The following KIAA1328 variants were observed in gnomAD, a reference collection of about 807,000 sequenced individuals.
KIAA1328 encodes KIAA1328, also known as protein hinderin.
Under a neutral mutation model 68.1 loss-of-function variants are expected in KIAA1328, and 52 were observed. That is an observed-to-expected ratio of 0.76 (90% CI 0.61 to 0.96). The LOEUF is 0.96. KIAA1328 is among the 40% of genes least tolerant of loss of function. KIAA1328 has a pLI of 0.00. For synonymous variants in KIAA1328, 232 were observed against 239.4 expected (o/e 0.97, Z 0.28); for missense variants, 641 against 677.6 (o/e 0.95, Z 0.60).
chr18:37,039,857 T>G (rs2055177637), intron 6 of KIAA1328, among the ~76,000 whole-genome samples: 2 of 152,178 alleles, frequency 1.3e-5, no homozygotes, highest in Non-Finnish European at 2.9e-5. Flanking sequence ...GAAATGTAGG[T>G]GTCTGTTAAA....
At chr18:36,836,564 G>A (rs1010574937) in intron 3 of KIAA1328, among the ~76,000 whole-genome samples, 12 of 151,874 alleles carry the variant, frequency 7.9e-5, no homozygotes, top group African/African-American at 2.9e-4. Context: ...TTTTACTTAT[G>A]TGCACAGACC....
intron 5 of KIAA1328, among the ~76,000 whole-genome samples, chr18:36,949,528 T>A (rs1403663377): frequency 6.7e-6 from 1 of 150,092 alleles, no homozygotes; most frequent in Non-Finnish European, 1.5e-5. Flanking sequence ...CTAAAATCCA[T>A]AGGGTCTAAT....
intron 5 of KIAA1328, among the ~76,000 whole-genome samples, chr18:36,926,622 T>C (rs2050128590): frequency 6.6e-6 from 1 of 152,096 alleles, no homozygotes; most frequent in Non-Finnish European, 1.5e-5. Context: ...CTCTCTGGAG[T>C]AGAAGATAGG....
chr18:37,161,672 T>C (rs1478215357), intron 8 of KIAA1328, among the ~76,000 whole-genome samples: 1 of 152,266 alleles, frequency 6.6e-6, no homozygotes, highest in Admixed American at 6.5e-5. Context: ...TCTTAGTCAT[T>C]GCACTTTGGA....
rs150128999 is a variant in KIAA1328 at position 37,222,770 on chromosome 18, G to A, written c.*543G>A. ...GTGCCCCTGCCATCACAAACAACAC[G>A]AGAGCCAATTGTGAGTCAGTCTCAG... On this transcript the variant is annotated 3_prime_UTR_variant, in exon 10 of 10. Transcript: ENST00000280020. 28 of 996,178 alleles carry A rather than the reference G, an allele frequency of 2.8e-5. No individual in the cohort carries two copies. In the Admixed American group the frequency reaches 5.6e-4, roughly 20 times the overall value. 61.7% of individuals were successfully genotyped at this position (996,178 alleles called of 1,614,324 possible). A position where few individuals can be genotyped will look rare whatever the true frequency, so the allele number is the denominator to read the frequency against.
chr18:36,888,720 G>A (rs2048582066), intron 5 of KIAA1328, among the ~76,000 whole-genome samples: 1 of 151,800 alleles, frequency 6.6e-6, no homozygotes, highest in Non-Finnish European at 1.5e-5. Context: ...CCTGTCAAAG[G>A]TTAATATAGA....
At chr18:37,135,959 C>T (rs1010959672) in intron 7 of KIAA1328, among the ~76,000 whole-genome samples, 1 of 152,156 alleles carries the variant, frequency 6.6e-6, no homozygotes, top group Admixed American at 6.5e-5. Context: ...GATCAGATGA[C>T]AGTAGGTGTG....
intron 1 of KIAA1328, among the ~76,000 whole-genome samples, chr18:36,831,678 A>G (rs1195436347): frequency 6.6e-6 from 1 of 152,212 alleles, no homozygotes; most frequent in Non-Finnish European, 1.5e-5. Flanking sequence ...GGAAACAAAG[A>G]CTGTATGTTG....
chr18:37,067,918 T>C (rs2056403199), intron 7 of KIAA1328, among the ~76,000 whole-genome samples: 1 of 152,170 alleles, frequency 6.6e-6, no homozygotes, highest in Admixed American at 6.5e-5. Context: ...AAAATTGTTG[T>C]AATACTATAG....
At chr18:36,951,099 T>A (rs2051142411) in intron 5 of KIAA1328, among the ~76,000 whole-genome samples, 1 of 152,204 alleles carries the variant, frequency 6.6e-6, no homozygotes, top group Non-Finnish European at 1.5e-5. Context: ...CTTTACTTGT[T>A]GTTACATTGG....
chr18:37,229,496 A>G (rs1192973716), downstream of KIAA1328: 4 of 1,182,228 alleles, frequency 3.4e-6, no homozygotes, highest in Non-Finnish European at 4.4e-6. Flanking sequence ...ACTAGTCAGA[A>G]ATAGAATTCA....
At chr18:36,876,094 C>A (rs968492318) in intron 4 of KIAA1328, among the ~76,000 whole-genome samples, 1 of 151,908 alleles carries the variant, frequency 6.6e-6, no homozygotes, top group Non-Finnish European at 1.5e-5. Context: ...ATTTTCCCAT[C>A]GATGTTCATC....
rs188384901 is a variant in KIAA1328 at position 36,949,608 on chromosome 18, C to A, written c.449-9700C>A. Among the ~76,000 whole-genome samples, 30 of 106,286 alleles carry A rather than the reference C, an allele frequency of 2.8e-4. No individual in the cohort carries two copies. The East Asian group carries it at 6.5e-3, about 23-fold the overall frequency. The allele number at this position is 106,286 out of a possible 152,430, so 69.7% of individuals were successfully genotyped here. On this transcript the variant is annotated intron_variant, in intron 5 of 9. Coordinates refer to ENST00000280020, the MANE Select transcript of KIAA1328 (RefSeq NM_020776.3). ...TGTTTCTACCCAGCTCCCCCCCCCC[C>A]ACCCCCCGATCTTGATTTGCAATTC...
intron 9 of KIAA1328, among the ~76,000 whole-genome samples, chr18:37,177,697 CTTTTT>C (rs1201644607): frequency 6.6e-6 from 1 of 151,548 alleles, no homozygotes; most frequent in African/African-American, 2.4e-5. Context: ...TGTTTTGTTT[CTTTTT>C]GAGTTACTGG....
intron 4 of KIAA1328, among the ~76,000 whole-genome samples, chr18:36,875,028 A>G (rs1479892245): frequency 6.6e-6 from 1 of 152,104 alleles, no homozygotes; most frequent in African/African-American, 2.4e-5. Flanking sequence ...TCACTGGTCT[A>G]TATATCTGTT....
At chr18:36,991,325 G>C (rs1334604437) in intron 6 of KIAA1328, among the ~76,000 whole-genome samples, 1 of 151,960 alleles carries the variant, frequency 6.6e-6, no homozygotes, top group African/African-American at 2.4e-5. Context: ...TTAGACTCTG[G>C]CTTGTATTAC....
intron 7 of KIAA1328, among the ~76,000 whole-genome samples, chr18:37,094,065 G>A (rs2057337035): frequency 6.6e-6 from 1 of 152,208 alleles, no homozygotes; most frequent in Admixed American, 6.5e-5. Flanking sequence ...GGATGAAACT[G>A]TTTCACCTTA....
chr18:36,930,010 T>C (rs1055083146), intron 5 of KIAA1328, among the ~76,000 whole-genome samples: 1 of 152,110 alleles, frequency 6.6e-6, no homozygotes, highest in African/African-American at 2.4e-5. Context: ...TTTGTACACA[T>C]GTACTACTGA....
intron 1 of KIAA1328, among the ~76,000 whole-genome samples, chr18:36,830,549 A>G (rs186412385): frequency 6.1e-4 from 93 of 152,220 alleles, no homozygotes; most frequent in African/African-American, 1.9e-3. Context: ...ATAGCATCCT[A>G]TGGTACTGTT....
Sources: allele counts gnomAD v4.1 joint callset (sites outside exome capture counted in the v4.1 genomes callset), GRCh38; gene constraint gnomAD v4.1.1; transcripts MANE v1.5; gene names NCBI Gene and HGNC (gene_info 2026-07-23, HGNC 2026-07-21).